MORC1: variants seen among roughly 807,000 people sequenced by gnomAD.
The protein encoded by MORC1 is MORC family CW-type zinc finger protein 1.
In MORC1, 59 loss-of-function variants were observed where a neutral mutation model predicts 134.9. The ratio of observed to expected loss-of-function variants is 0.44; its 90% CI spans 0.35 to 0.54. MORC1 has a LOEUF of 0.54. Ranked by LOEUF, MORC1 falls within the 20% of genes least tolerant of loss-of-function variation. The pLI is 0.00. For missense variants in MORC1, 947 were observed against 1,134.5 expected (o/e 0.83, Z 2.37); for synonymous variants, 395 against 391.7 (o/e 1.01, Z -0.10).
chr3:109,075,731 A>AT (rs1182030593), intron 8 of MORC1, among the ~76,000 whole-genome samples: 1 of 152,098 alleles, frequency 6.6e-6, no homozygotes, highest in Non-Finnish European at 1.5e-5. Flanking sequence ...GTCAGGTAGC[A>AT]TGATGCCTCC....
intron 25 of MORC1, 83 bp downstream of exon 25, chr3:108,971,247 T>G: frequency 7.9e-7 from 1 of 1,267,648 alleles, no homozygotes; most frequent in South Asian, 1.3e-5. Flanking sequence ...TAGGTCCTCT[T>G]ATTGGAAACA....
intron 2 of MORC1, 35 bp downstream of exon 2, chr3:109,114,349 T>C: frequency 1.3e-6 from 2 of 1,555,206 alleles, no homozygotes; most frequent in Middle Eastern, 1.7e-4. Flanking sequence ...GTCATGAAAT[T>C]CCCTCAGTAA....
chr3:108,971,270 C>T, intron 25 of MORC1, 60 bp downstream of exon 25: 1 of 1,479,078 alleles, frequency 6.8e-7, no homozygotes. Flanking sequence ...TTACATTTTT[C>T]TTCACTGAGA....
rs533847271 is a variant in MORC1, at chr3:109,003,284, C to A, written c.2085+1533G>T. On this transcript the variant is annotated intron_variant, in intron 20 of 27. Coordinates refer to ENST00000232603, the MANE Select transcript of MORC1 (RefSeq NM_014429.4). ...ATACATATATATATATATACACACA[C>A]AGACACATCTATGTTTACATTGGTA... Among the ~76,000 whole-genome samples the A allele has an allele frequency of 4.2e-5, 6 of 141,650 alleles. No individual in the cohort carries two copies. The East Asian group carries it at 8.0e-4, about 19-fold the overall frequency. 92.9% of individuals were successfully genotyped at this position (141,650 alleles called of 152,430 possible).
intron 14 of MORC1, among the ~76,000 whole-genome samples, chr3:109,040,939 G>T (rs536492497): frequency 6.6e-6 from 1 of 150,590 alleles, no homozygotes; most frequent in South Asian, 2.1e-4. Context: ...AAAGAAAATA[G>T]AAATTATGGA....
intron 22 of MORC1, 57 bp from the exon 23 acceptor site, chr3:108,984,839 CA>C (rs1252809785): frequency 2.1e-6 from 3 of 1,404,508 alleles, no homozygotes; most frequent in Non-Finnish European, 2.9e-6. Flanking sequence ...TAAACTGAAC[CA>C]AAAGAAATGT....
chr3:109,054,580 C>A, intron 14 of MORC1, 148 bp downstream of exon 14: 1 of 634,626 alleles, frequency 1.6e-6, no homozygotes, highest in Non-Finnish European at 2.4e-6. Context: ...AAATGGGCTC[C>A]CTTCTCACTC....
At chr3:109,068,419 C>T (rs1950246770) in intron 9 of MORC1, among the ~76,000 whole-genome samples, 1 of 152,210 alleles carries the variant, frequency 6.6e-6, no homozygotes, top group African/African-American at 2.4e-5. Context: ...TTTGCATTCT[C>T]ATAGCTTAGC....
chr3:108,983,253 A>G (rs1318094682), intron 23 of MORC1, among the ~76,000 whole-genome samples: 1 of 152,220 alleles, frequency 6.6e-6, no homozygotes, highest in African/African-American at 2.4e-5. Context: ...AATATTACTG[A>G]GTGCCAAGTA....
At chr3:109,000,775 A>G (rs958852244) in intron 20 of MORC1, 117 bp from the exon 21 acceptor site, 3 of 719,546 alleles carry the variant, frequency 4.2e-6, no homozygotes, top group Non-Finnish European at 6.8e-6. Context: ...TAGGATATAT[A>G]GCGAAAATTC....
At chr3:109,023,494 G>C (rs1949007176) in intron 17 of MORC1, among the ~76,000 whole-genome samples, 1 of 152,168 alleles carries the variant, frequency 6.6e-6, no homozygotes, top group Non-Finnish European at 1.5e-5. Flanking sequence ...GGTAAATATA[G>C]GGTAGCTTAA....
At chr3:109,000,023 G>T (rs1428291299) in intron 21 of MORC1, among the ~76,000 whole-genome samples, 1 of 152,098 alleles carries the variant, frequency 6.6e-6, no homozygotes, top group African/African-American at 2.4e-5. Flanking sequence ...AAAGCAACTC[G>T]ATTCTACAGA....
intron 8 of MORC1, among the ~76,000 whole-genome samples, chr3:109,070,029 T>C (rs893999174): frequency 1.3e-5 from 2 of 152,214 alleles, no homozygotes; most frequent in African/African-American, 4.8e-5. Flanking sequence ...AGTAGACTTA[T>C]AACAGCAATC....
intron 17 of MORC1, among the ~76,000 whole-genome samples, chr3:109,016,772 G>C (rs1167342691): frequency 2.0e-5 from 3 of 152,210 alleles, no homozygotes; most frequent in Admixed American, 6.5e-5. Context: ...GCTGAGGCAG[G>C]AGAATCGCTT....
At position 108,986,931 on chromosome 3, in the gene MORC1, T is replaced by C; in HGVS notation, c.2206A>G (p.Thr736Ala). Residue 736 changes from threonine (T) to alanine (A), a missense_variant, in exon 22 of 28, where the codon ACT becomes GCT. Thr to Ala is a moderately conservative substitution (Grantham distance 58). This residue lies in a region of MORC1 where 722 missense variants were observed against 817.0 expected (regional missense o/e 0.88). Coordinates refer to ENST00000232603, the MANE Select transcript of MORC1 (RefSeq NM_014429.4). Reference protein sequence around the residue: ...DIILVSDKSNTDVSLKQEKKE... With the variant: ...DIILVSDKSNADVSLKQEKKE... ...TTTTCTTGTTTCAATGAAACATCAG[T>C]GTTGCTTTTATCTGAAACCTGAAAA... 6.4e-7 allele frequency: 1 copy of C among 1,574,238 alleles called. No homozygotes were observed. The highest frequency in any genetic ancestry group is 8.6e-7 in the Non-Finnish European group (1 of 1,165,290).
At chr3:109,030,781 G>A (rs904644678) in intron 16 of MORC1, among the ~76,000 whole-genome samples, 7 of 152,032 alleles carry the variant, frequency 4.6e-5, no homozygotes, top group Non-Finnish European at 7.4e-5. Context: ...ATTTGATAGC[G>A]CAAGGTGACT....
chr3:109,091,963 C>T (rs936384426), intron 8 of MORC1, among the ~76,000 whole-genome samples: 1 of 152,160 alleles, frequency 6.6e-6, no homozygotes, highest in Non-Finnish European at 1.5e-5. Context: ...ATGTAGCTGT[C>T]AAATTATCCC....
intron 8 of MORC1, among the ~76,000 whole-genome samples, chr3:109,089,880 C>T (rs989369341): frequency 2.0e-5 from 3 of 151,928 alleles, no homozygotes; most frequent in African/African-American, 4.8e-5. Flanking sequence ...TATCTTCTTC[C>T]CTTTCAGAAA....
At chr3:108,978,980 T>G (rs1168128364) in intron 24 of MORC1, among the ~76,000 whole-genome samples, 1 of 152,122 alleles carries the variant, frequency 6.6e-6, no homozygotes, top group African/African-American at 2.4e-5. Context: ...AAGGCCCCCA[T>G]CTATTATCAG....
Sources: allele counts gnomAD v4.1 joint callset (sites outside exome capture counted in the v4.1 genomes callset), GRCh38; gene constraint gnomAD v4.1.1; regional missense constraint gnomAD v4.1.1; transcripts MANE v1.5; gene names NCBI Gene and HGNC (gene_info 2026-07-23, HGNC 2026-07-21).